DAO: variants seen among roughly 807,000 people sequenced by gnomAD.
The protein encoded by DAO is D-amino acid oxidase.
In DAO, 51 loss-of-function variants were observed where a neutral mutation model predicts 50.1. That is an observed-to-expected ratio of 1.02 (90% CI 0.81 to 1.29). DAO has a LOEUF of 1.29. Among genes scored for constraint, DAO ranks in the 50% most tolerant of loss-of-function variants. The pLI is 0.00. For synonymous variants in DAO, 160 were observed against 166.2 expected, an observed-to-expected ratio of 0.96 and a Z score of 0.29; for missense variants, 436 against 439.4, an observed-to-expected ratio of 0.99 and a Z score of 0.07.
chr12:108,900,395 C>T lies in DAO; in HGVS notation c.913-9C>T. The T allele has an allele frequency of 1.2e-6, 2 of 1,613,874 alleles. No homozygotes were observed. The highest frequency in any genetic ancestry group is 1.7e-6 in the Non-Finnish European group (2 of 1,179,844). On this transcript the variant is annotated splice_polypyrimidine_tract_variant and intron_variant, in intron 10 of 10. Coordinates refer to ENST00000228476, the MANE Select transcript of DAO (RefSeq NM_001917.5). ...CGGACCTGGCCACCTTCTCTCTTGC[C>T]TCTCCTAGGTCATCCACAACTATGG... is the stretch of plus-strand genomic sequence containing the variant.
intron 6 of DAO, among the ~76,000 whole-genome samples, chr12:108,893,652 TCA>T (rs1399114965): frequency 6.6e-6 from 1 of 152,156 alleles, no homozygotes; most frequent in African/African-American, 2.4e-5. Context: ...GTCCTCATTC[TCA>T]GTCATTCACT....
At chr12:108,889,618 G>A (rs564721628) in intron 4 of DAO, 73 bp downstream of exon 4, 1 of 1,199,490 alleles carries the variant, frequency 8.3e-7, no homozygotes, top group South Asian at 1.2e-5. Context: ...GGCAGCAGAG[G>A]GTAGAGGCAC....
rs755937780 is a variant in DAO at position 108,900,430 on chromosome 12, C to T, written c.939C>T (p.Gly313=). Residue 313 remains glycine, a synonymous_variant, in exon 11 of 11, where the codon GGC becomes GGT. Transcript: ENST00000228476. ...TEVIHNYGHG[G]YGLTIHWGCA... ...TCATCCACAACTATGGCCATGGAGG[C>T]TACGGGCTCACCATCCACTGGGGAT... The T allele has an allele frequency of 6.2e-7, 1 of 1,614,106 alleles. No individual in the cohort carries two copies. Among genetic ancestry groups the T allele is most frequent in the South Asian group, 1.1e-5 (1 of 91,078 alleles).
chr12:108,889,675 C>G (rs988501865), intron 4 of DAO, 130 bp downstream of exon 4: 34 of 721,754 alleles, frequency 4.7e-5, no homozygotes, highest in Non-Finnish European at 8.0e-5. Context: ...TCTCCTGGTC[C>G]TTGGTCCAGC....
chr12:108,889,569 G>T, intron 4 of DAO, 24 bp downstream of exon 4: 1 of 1,586,402 alleles, frequency 6.3e-7, no homozygotes, highest in South Asian at 1.1e-5. Context: ...CACAGGCAAA[G>T]GGGACTGGGG....
At chr12:108,890,686 C>G (rs1196817088) in intron 5 of DAO, among the ~76,000 whole-genome samples, 1 of 152,092 alleles carries the variant, frequency 6.6e-6, no homozygotes, top group Admixed American at 6.6e-5. Context: ...GTTACTCATA[C>G]AGATGATAGT....
At chr12:108,893,066 G>C in intron 6 of DAO, 30 bp downstream of exon 6, 1 of 1,607,946 alleles carries the variant, frequency 6.2e-7, no homozygotes, top group Middle Eastern at 1.8e-4. Flanking sequence ...CGGTGGATGG[G>C]GCAGGGAGAA....
At chr12:108,883,506 G>A (rs994524575) in intron 1 of DAO, 5 of 397,790 alleles carry the variant, frequency 1.3e-5, no homozygotes, top group Non-Finnish European at 2.6e-5. Context: ...AAAATGCTAG[G>A]AGACAGGAAG....
At chr12:108,892,133 G>A (rs1037540548) in intron 5 of DAO, among the ~76,000 whole-genome samples, 3 of 142,222 alleles carry the variant, frequency 2.1e-5, no homozygotes, top group Non-Finnish European at 4.7e-5. Context: ...TTCTTTGGAT[G>A]TTTCTAGTGT....
At position 108,885,260 on chromosome 12, in the gene DAO, G is replaced by T; in HGVS notation, c.194+60G>T. 3 of 1,529,518 alleles carry T rather than the reference G, an allele frequency of 2.0e-6. No homozygotes were observed. In the South Asian group the frequency reaches 3.4e-5, roughly 17 times the overall value. The allele number at this position is 1,529,518 out of a possible 1,614,324, so 94.7% of individuals were successfully genotyped here. On this transcript the variant is annotated intron_variant, in intron 2 of 10. Transcript: ENST00000228476. ...CCATGGACCTAAGTCTGCAGAGGGA[G>T]TCAGGGTTCCCATCACCAAGAGCAA...
chr12:108,893,353 T>C (rs2039512448), intron 6 of DAO, among the ~76,000 whole-genome samples: 1 of 152,162 alleles, frequency 6.6e-6, no homozygotes, highest in Non-Finnish European at 1.5e-5. Flanking sequence ...ACTTGGTTGC[T>C]TCCTAGCCCT....
rs1398841238 is a variant in DAO, at chr12:108,887,517, G to A, written c.262G>A (p.Gly88Ser). The change falls in exon 3 of 11, where the codon GGC becomes AGC. Residue 88 changes from glycine (G) to serine (S), a missense_variant. Gly to Ser is a moderately conservative substitution (Grantham distance 56, BLOSUM62 0). Transcript: ENST00000228476. ...HVHSPNAENL[G>S]LFLISGYNLF... ...CCATTCTCCCAACGCTGAAAACCTG[G>A]GCCTGTTCCTAATCTCGGGCTACAA... The A allele has an allele frequency of 1.9e-6, 3 of 1,614,060 alleles. No individual in the cohort carries two copies. In the South Asian group the frequency reaches 3.3e-5, roughly 18 times the overall value.
chr12:108,886,181 C>G (rs1366275344), intron 2 of DAO, among the ~76,000 whole-genome samples: 1 of 151,588 alleles, frequency 6.6e-6, no homozygotes, highest in Non-Finnish European at 1.5e-5. Flanking sequence ...AGCCATCATG[C>G]CTTGCCAAAT....
Position 108,894,384 on chromosome 12 carries a change from G to T in DAO, c.612+17G>T, listed in dbSNP as rs749784465. 48 of 1,577,518 alleles carry T rather than the reference G, an allele frequency of 3.0e-5. No homozygotes were observed. Among genetic ancestry groups the T allele is most frequent in the Non-Finnish European group, 3.7e-5 (43 of 1,148,146 alleles). On this transcript the variant is annotated intron_variant, in intron 7 of 10. Coordinates refer to ENST00000228476, the MANE Select transcript of DAO (RefSeq NM_001917.5). Reference sequence around the variant, plus strand: ...ATCATGAAGGTGAGTGTGAGGGTGAGACCCCTACCTTTTGTTAATAGGAAG... The same window carrying T: ...ATCATGAAGGTGAGTGTGAGGGTGATACCCCTACCTTTTGTTAATAGGAAG...
chr12:108,887,591 G>A, intron 3 of DAO, 27 bp downstream of exon 3: 1 of 1,531,422 alleles, frequency 6.5e-7, no homozygotes. Flanking sequence ...TGACCATGAG[G>A]GATGAGCACC....
chr12:108,899,331 A>G (rs1461248858), intron 9 of DAO, 46 bp from the exon 10 acceptor site: 1 of 1,320,778 alleles, frequency 7.6e-7, no homozygotes, highest in Admixed American at 2.0e-5. Context: ...AAATGGCAGC[A>G]GGAAAAAAAA....
intron 7 of DAO, among the ~76,000 whole-genome samples, chr12:108,896,576 T>C (rs907238840): frequency 6.6e-6 from 1 of 152,004 alleles, no homozygotes; most frequent in African/African-American, 2.4e-5. Context: ...AGCCTAACTT[T>C]GGTCAGGTCA....
intron 8 of DAO, among the ~76,000 whole-genome samples, chr12:108,897,715 A>T (rs978394819): frequency 6.6e-6 from 1 of 151,762 alleles, no homozygotes; most frequent in African/African-American, 2.4e-5. Context: ...TGCGAGGCCA[A>T]TGTGGGAGGA....
In DAO at chr12:108,894,318, C is replaced by T. The variant is rs749872143; in HGVS notation, c.563C>T (p.Ala188Val). 2.5e-5 allele frequency: 41 copies of T among 1,613,824 alleles called. No homozygotes were observed. In the Admixed American group the frequency reaches 3.3e-4, roughly 13 times the overall value. ...IVNCTGVWAG[A>V]LQRDPLLQPG... ...AACTGCACTGGGGTATGGGCTGGGG[C>T]GCTACAACGAGACCCCCTGCTGCAG... The change falls in exon 7 of 11, where the codon GCG becomes GTG. Residue 188 changes from alanine (A) to valine (V), a missense_variant. Coordinates refer to ENST00000228476, the MANE Select transcript of DAO (RefSeq NM_001917.5).
Sources: gnomAD v4.1 joint callset for allele counts (sites outside exome capture counted in the v4.1 genomes callset) on GRCh38, gnomAD v4.1.1 for gene constraint, MANE v1.5 for transcripts, NCBI Gene and HGNC (gene_info 2026-07-23, HGNC 2026-07-21) for gene names.